The following MCPH1 variants were observed in gnomAD, a reference collection of about 807,000 sequenced individuals.
MCPH1 encodes microcephalin 1, also known as microcephalin.
MCPH1 carries 104 observed loss-of-function variants against 84.5 expected under a neutral mutation model. The observed-to-expected ratio is 1.23, with a 90% CI of 1.05 to 1.45. The LOEUF (loss-of-function observed/expected upper bound fraction) is 1.45, where lower values mean the gene tolerates loss of function less well. Ranked by LOEUF, MCPH1 falls within the 40% of genes most tolerant of loss-of-function variation. The pLI is 0.00. For synonymous variants in MCPH1, 514 were observed against 366.8 expected, an observed-to-expected ratio of 1.40 and a Z score of -4.58; for missense variants, 1,498 against 1,005.7, an observed-to-expected ratio of 1.49 and a Z score of -6.62.
At chr8:6,415,268 T>C (rs915220941) in intron 3 of MCPH1, among the ~76,000 whole-genome samples, 1 of 148,442 alleles carries the variant, frequency 6.7e-6, no homozygotes, top group African/African-American at 2.5e-5. Flanking sequence ...AAGTCCAGTA[T>C]CAAGTTGTCA....
chr8:6,476,508 A>G (rs1185786551), intron 9 of MCPH1, among the ~76,000 whole-genome samples: 1 of 152,120 alleles, frequency 6.6e-6, no homozygotes, highest in Non-Finnish European at 1.5e-5. Flanking sequence ...TTTTACTCAG[A>G]TGTGTACTTC....
chr8:6,630,664 C>T (rs1797086324), intron 13 of MCPH1, among the ~76,000 whole-genome samples: 1 of 151,676 alleles, frequency 6.6e-6, no homozygotes, highest in African/African-American at 2.4e-5. Context: ...GCCTGTGATC[C>T]CAGCTACTTG....
rs1586828035 is a variant in MCPH1 at position 6,619,958 on chromosome 8, A to G, written c.2215-1496A>G. 3.3e-5 allele frequency among the ~76,000 whole-genome samples: 5 copies of G among 152,064 alleles called. No homozygotes were observed. The South Asian group carries it at 8.3e-4, about 25-fold the overall frequency. On this transcript the variant is annotated intron_variant, in intron 12 of 13. Transcript: ENST00000344683. Reference sequence around the variant, plus strand: ...ATGAAAGATACTCTTTCTTGATTCCATTTCCATGCAGCTTGGCCCCGTGAT... The same window carrying G: ...ATGAAAGATACTCTTTCTTGATTCCGTTTCCATGCAGCTTGGCCCCGTGAT...
At chr8:6,493,126 T>G (rs1053430600) in intron 11 of MCPH1, among the ~76,000 whole-genome samples, 2 of 152,208 alleles carry the variant, frequency 1.3e-5, no homozygotes, top group Non-Finnish European at 2.9e-5. Context: ...TTCCTTTTGA[T>G]AAGAGAAGTA....
At chr8:6,613,499 A>T in intron 12 of MCPH1, among the ~76,000 whole-genome samples, 1 of 151,660 alleles carries the variant, frequency 6.6e-6, no homozygotes, top group East Asian at 1.9e-4. Context: ...GGAGGGGTGA[A>T]GGCGGGAGTC....
intron 3 of MCPH1, among the ~76,000 whole-genome samples, chr8:6,427,381 G>GT (rs1801211163): frequency 6.6e-6 from 1 of 151,920 alleles, no homozygotes; most frequent in Non-Finnish European, 1.5e-5. Flanking sequence ...ATACTATAAC[G>GT]TTTTTTTAAA....
At position 6,445,214 on chromosome 8, in the gene MCPH1, T is replaced by C; in HGVS notation, c.1492T>C (p.Cys498Arg). 3.1e-6 allele frequency: 5 copies of C among 1,614,248 alleles called. No homozygotes were observed. The highest frequency in any genetic ancestry group is 3.4e-6 in the Non-Finnish European group (4 of 1,180,040). The change falls in exon 8 of 14, where the codon TGC becomes CGC. Residue 498 changes from cysteine to arginine, a missense_variant. Transcript: ENST00000344683. ...TGGTGAAGGCCGTGCAACTTCGAGT[T>C]GCGTGACTTCTGCCCCTGAAGAAGC... ...GNGEGRATSS[C>R]VTSAPEEALR...
intron 11 of MCPH1, among the ~76,000 whole-genome samples, chr8:6,491,566 C>G (rs2979658): frequency 6.6e-6 from 1 of 151,438 alleles, no homozygotes; most frequent in Non-Finnish European, 1.5e-5. Context: ...TGCTGGTGTG[C>G]TGCACTCATT....
chr8:6,487,378 G>T (rs1473775460), intron 11 of MCPH1, among the ~76,000 whole-genome samples: 1 of 152,176 alleles, frequency 6.6e-6, no homozygotes, highest in East Asian at 1.9e-4. Context: ...AACACACTCA[G>T]TTCATTCCGT....
At chr8:6,435,433 G>C (rs954154527) in intron 4 of MCPH1, among the ~76,000 whole-genome samples, 2 of 152,164 alleles carry the variant, frequency 1.3e-5, no homozygotes, top group Non-Finnish European at 2.9e-5. Context: ...CATAGGCAGA[G>C]AAAACAAAGT....
At chr8:6,567,278 A>G (rs1327212602) in intron 12 of MCPH1, among the ~76,000 whole-genome samples, 1 of 151,710 alleles carries the variant, frequency 6.6e-6, no homozygotes, top group Non-Finnish European at 1.5e-5. Flanking sequence ...TGTGATCCGC[A>G]AGGTCATGGA....
intron 12 of MCPH1, among the ~76,000 whole-genome samples, chr8:6,512,382 C>G (rs893612084): frequency 1.3e-5 from 2 of 152,182 alleles, no homozygotes; most frequent in African/African-American, 2.4e-5. Context: ...AGCGGAGTGT[C>G]TGACTTGGGC....
intron 12 of MCPH1, among the ~76,000 whole-genome samples, chr8:6,596,078 C>A (rs1828904696): frequency 6.6e-6 from 1 of 152,146 alleles, no homozygotes; most frequent in African/African-American, 2.4e-5. Flanking sequence ...TTTGCAGGAG[C>A]ATTTAGAGCA....
At chr8:6,424,992 G>T (rs759183434) in intron 3 of MCPH1, among the ~76,000 whole-genome samples, 2 of 152,224 alleles carry the variant, frequency 1.3e-5, no homozygotes, top group African/African-American at 4.8e-5. Flanking sequence ...TGGGCCTAGA[G>T]AATAAGATAC....
chr8:6,544,373 G>A (rs1489994023), intron 12 of MCPH1, among the ~76,000 whole-genome samples: 1 of 152,240 alleles, frequency 6.6e-6, no homozygotes, highest in Admixed American at 6.5e-5. Context: ...AAGAGAGACT[G>A]TGAACTGCAC....
At chr8:6,607,673 C>T (rs1190793815) in intron 12 of MCPH1, among the ~76,000 whole-genome samples, 1 of 152,168 alleles carries the variant, frequency 6.6e-6, no homozygotes, top group Non-Finnish European at 1.5e-5. Flanking sequence ...ATACAGTTCT[C>T]ATGGTAGTGA....
rs116371594 is a variant in MCPH1, at chr8:6,540,062, C to T, written c.2214+40133C>T. Among the ~76,000 whole-genome samples, 597 of 152,284 alleles carry T rather than the reference C, an allele frequency of 3.9e-3. 7 individuals carry two copies. The highest frequency in any genetic ancestry group is 0.014 in the African/African-American group (574 of 41,552). On this transcript the variant is annotated intron_variant, in intron 12 of 13. Transcript: ENST00000344683. ...GGCATTCTAACATTAATAGTCCATG[C>T]CTCTCCTCCTGTGGATAGGTACACC...
At position 6,445,521 on chromosome 8, in the gene MCPH1, A is replaced by T. The variant is rs1425701040; in HGVS notation, c.1799A>T (p.Glu600Val). The T allele has an allele frequency of 6.2e-7, 1 of 1,606,726 alleles. No individual in the cohort carries two copies. The highest frequency in any genetic ancestry group is 8.5e-7 in the Non-Finnish European group (1 of 1,177,434). The change falls in exon 8 of 14, where the codon GAA (glutamate) becomes GTA (valine). Residue 600 changes from glutamate to valine, a missense_variant. Coordinates refer to ENST00000344683, the MANE Select transcript of MCPH1 (RefSeq NM_024596.5). ...ATGGAGACGTCTACAGAAGAGAAGG[A>T]AAACTTACCCGGAGGATACAGTGGA... ...CNMETSTEEK[E>V]NLPGGYSGSV...
chr8:6,617,034 G>C (rs879485612), intron 12 of MCPH1: 5 of 152,020 alleles, frequency 3.3e-5, no homozygotes, highest in Admixed American at 1.3e-4. Flanking sequence ...ATGCAAACGC[G>C]CTTGTCTGTG....
Sources: gnomAD v4.1 joint callset for allele counts (sites outside exome capture counted in the v4.1 genomes callset) on GRCh38, gnomAD v4.1.1 for gene constraint, MANE v1.5 for transcripts, NCBI Gene and HGNC (gene_info 2026-07-23, HGNC 2026-07-21) for gene names.